The following PSG1 variants were observed in gnomAD, a reference collection of about 807,000 sequenced individuals.
PSG1 encodes the protein pregnancy-specific beta-1-glycoprotein 1.
Under a neutral mutation model 41.4 loss-of-function variants are expected in PSG1, and 60 were observed. The ratio of observed to expected loss-of-function variants is 1.45; its 90% CI spans 1.18 to 1.80. The LOEUF (loss-of-function observed/expected upper bound fraction) is 1.80. PSG1 is among the 40% of genes most tolerant of loss of function. PSG1 has a pLI of 0.00. For synonymous variants in PSG1, 256 were observed against 192.9 expected (o/e 1.33, Z -2.71); for missense variants, 806 against 516.9 (o/e 1.56, Z -5.42).
rs772787412 is a variant in PSG1 at position 42,867,883 on chromosome 19, C to G, written c.1243+218G>C. 6.7e-5 allele frequency: 94 copies of G among 1,400,596 alleles called. 1 individual carries two copies. The highest frequency in any genetic ancestry group is 8.3e-5 in the Non-Finnish European group (86 of 1,035,534). 86.8% of individuals were successfully genotyped at this position (1,400,596 alleles called of 1,614,324 possible). A position where few individuals can be genotyped will look rare whatever the true frequency, so the allele number is the denominator to read the frequency against. ...TATTTCAATGAAATCAATGTTCTTC[C>G]TGCTTGGTCTAGGCTGGGAATATTA... On this transcript the variant is annotated intron_variant, in intron 5 of 5. Transcript: ENST00000436291.
At chr19:42,873,917 A>G (rs777944108) in intron 2 of PSG1, among the ~76,000 whole-genome samples, 7 of 151,662 alleles carry the variant, frequency 4.6e-5, no homozygotes, top group Non-Finnish European at 8.8e-5. Flanking sequence ...ACTAGAGTTT[A>G]AGTTTGTGTG....
rs1295615921 is a variant in PSG1 at position 42,871,748 on chromosome 19, A to G, written c.709+19T>C. The G allele has an allele frequency of 6.2e-7, 1 of 1,612,694 alleles. No individual in the cohort carries two copies. On this transcript the variant is annotated intron_variant, in intron 3 of 5. Transcript: ENST00000436291. ...TTTGGGATGGCAGCCTGGCTCACAG[A>G]GGAACAGAAGATACTCACGGAGGAG...
intron 2 of PSG1, among the ~76,000 whole-genome samples, chr19:42,872,918 A>C (rs538612944): frequency 6.6e-6 from 1 of 151,766 alleles, no homozygotes. Context: ...CTCATGGACC[A>C]TATGTGTTTG....
In PSG1 at chr19:42,868,361, G is replaced by A. The variant is rs774900202; in HGVS notation, c.989-6C>T. 35 of 1,604,072 alleles carry A rather than the reference G, an allele frequency of 2.2e-5. 2 individuals are homozygous for A. The East Asian group carries it at 7.4e-4, about 34-fold the overall frequency. ...TCTGGGGAGGTCTGGACCATCTGGAGCAAAGAGAATAAAGCCACAGGTGAT... is the reference window on the plus strand; with the variant it reads ...TCTGGGGAGGTCTGGACCATCTGGAACAAAGAGAATAAAGCCACAGGTGAT... On this transcript the variant is annotated splice_region_variant and splice_polypyrimidine_tract_variant and intron_variant, in intron 4 of 5. Coordinates refer to ENST00000436291, the MANE Select transcript of PSG1 (RefSeq NM_001184825.2).
Position 42,879,669 on chromosome 19 carries a change from T to G in PSG1, c.-88A>C, listed in dbSNP as rs1453317810. 7 of 1,558,080 alleles carry G rather than the reference T, an allele frequency of 4.5e-6. No individual in the cohort carries two copies. In the African/African-American group the frequency reaches 6.8e-5, roughly 15 times the overall value. ...GCACGGCTGTCAGCTGTGCTGTCCT[T>G]CCTCTTTCTGTGCTGAGCCTCTTCC... On this transcript the variant is annotated 5_prime_UTR_variant, in exon 1 of 6. Transcript: ENST00000436291.
rs565095382 is a variant in PSG1, at chr19:42,866,922, C to A, written c.*212G>T. 9.5e-5 allele frequency: 67 copies of A among 705,036 alleles called. 2 individuals carry two copies. The East Asian group carries it at 1.2e-3, about 12-fold the overall frequency. 43.7% of individuals were successfully genotyped at this position (705,036 alleles called of 1,614,324 possible). On this transcript the variant is annotated 3_prime_UTR_variant, in exon 6 of 6. Transcript: ENST00000436291. The stretch of plus-strand genomic sequence containing the variant: ...AAACTGTCCACAGTGTGAAGTCATC[C>A]ACTTGTTGTCCTGGTTTACAGTTTG...
chr19:42,873,137 A>T (rs368791552), intron 2 of PSG1, among the ~76,000 whole-genome samples: 10 of 151,656 alleles, frequency 6.6e-5, no homozygotes, highest in South Asian at 2.1e-4. Flanking sequence ...TTATGCAGGA[A>T]GAGGAGGTTC....
In PSG1 at chr19:42,868,010, C is replaced by T. The variant is rs1971204643; in HGVS notation, c.1243+91G>A. On this transcript the variant is annotated intron_variant, in intron 5 of 5. Coordinates refer to ENST00000436291, the MANE Select transcript of PSG1 (RefSeq NM_001184825.2). The stretch of plus-strand genomic sequence containing the variant: ...TTTGCTTGTGCCCATGGGACACAGG[C>T]TGGGAATACAATTGTTTTCCTGACT... 5.6e-6 allele frequency: 9 copies of T among 1,609,356 alleles called. 1 individual carries two copies. The highest frequency in any genetic ancestry group is 7.6e-6 in the Non-Finnish European group (9 of 1,178,334).
rs878952037 is a variant in PSG1 at position 42,871,276 on chromosome 19, G to GA, written c.709+490_709+491insT. On this transcript the variant is annotated intron_variant, in intron 3 of 5. Coordinates refer to ENST00000436291, the MANE Select transcript of PSG1 (RefSeq NM_001184825.2). Reference sequence around the variant, plus strand: ...AGCCAAGAATGCTCTGCCAGTGGATGGAGTCTGTGAGGCAGGAGAGCTTGG... The same window carrying GA: ...AGCCAAGAATGCTCTGCCAGTGGATGAGAGTCTGTGAGGCAGGAGAGCTTGG... Among the ~76,000 whole-genome samples the GA allele has an allele frequency of 1.2e-4, 18 of 151,814 alleles. No individual in the cohort carries two copies. The South Asian group carries it at 2.9e-3, about 25-fold the overall frequency.
chr19:42,871,820 A>G lies in PSG1; in HGVS notation c.656T>C (p.Ile219Thr), dbSNP rs1400470440. Residue 219 changes from isoleucine to threonine, a missense_variant, in exon 3 of 6, where the codon ATA (isoleucine) becomes ACA (threonine). Coordinates refer to ENST00000436291, the MANE Select transcript of PSG1 (RefSeq NM_001184825.2). ...KYTAGPYECEIRNPVSASRSD... is the reference protein window; with the variant it reads ...KYTAGPYECETRNPVSASRSD... ...GCGGCTGGCACTCACTGGGTTCCGT[A>G]TTTCACATTCATAGGGTCCTGCAGT... 3 of 1,612,450 alleles carry G rather than the reference A, an allele frequency of 1.9e-6. No homozygotes were observed. Among genetic ancestry groups the G allele is most frequent in the South Asian group, 1.1e-5 (1 of 90,848 alleles).
chr19:42,867,798 T>A, intron 5 of PSG1: 1 of 1,181,236 alleles, frequency 8.5e-7, no homozygotes, highest in Non-Finnish European at 1.2e-6. Flanking sequence ...ACAAACCATT[T>A]AAAGAATCAG....
rs1310361690 is a variant in PSG1, at chr19:42,871,706, G to C, written c.709+61C>G. ...GACCTGAGAGGGACAGAGAGGCCTGGCCTCTGGCCACGTGTATTTGGGATG... is the reference window on the plus strand; with the variant it reads ...GACCTGAGAGGGACAGAGAGGCCTGCCCTCTGGCCACGTGTATTTGGGATG... On this transcript the variant is annotated intron_variant, in intron 3 of 5. Coordinates refer to ENST00000436291, the MANE Select transcript of PSG1 (RefSeq NM_001184825.2). The C allele has an allele frequency of 1.2e-5, 20 of 1,612,372 alleles. 1 individual carries two copies. The highest frequency in any genetic ancestry group is 1.6e-5 in the Non-Finnish European group (19 of 1,179,222).
At chr19:42,871,385 C>T (rs1283028134) in intron 3 of PSG1, among the ~76,000 whole-genome samples, 1 of 151,532 alleles carries the variant, frequency 6.6e-6, no homozygotes, top group African/African-American at 2.4e-5. Flanking sequence ...AATAATGTCA[C>T]AGGCACTATT....
intron 4 of PSG1, 62 bp from the exon 5 acceptor site, chr19:42,868,417 T>C (rs1306068255): frequency 2.6e-6 from 4 of 1,518,346 alleles, no homozygotes; most frequent in African/African-American, 1.4e-5. Context: ...GTTCCTGGTC[T>C]CTTAAAGGGA....
At chr19:42,873,817 A>G (rs1192915116) in intron 2 of PSG1, among the ~76,000 whole-genome samples, 1 of 151,610 alleles carries the variant, frequency 6.6e-6, no homozygotes, top group South Asian at 2.1e-4. Context: ...CCTGCTTCTA[A>G]ATTCTGTGCA....
At chr19:42,868,573 C>T (rs1228895089) in intron 4 of PSG1, among the ~76,000 whole-genome samples, 183 bp downstream of exon 4, 2 of 151,230 alleles carry the variant, frequency 1.3e-5, no homozygotes, top group Admixed American at 6.6e-5. Flanking sequence ...CATCCCCTCC[C>T]CTTATATTCT....
intron 1 of PSG1, 120 bp downstream of exon 1, chr19:42,879,398 C>T: frequency 6.2e-6 from 9 of 1,448,342 alleles, no homozygotes; most frequent in South Asian, 1.2e-5. Context: ...ATGATCCACC[C>T]ACCTCAGACT....
chr19:42,870,729 A>T (rs1018851714), intron 3 of PSG1: 1 of 151,716 alleles, frequency 6.6e-6, no homozygotes. Context: ...CTTCCAATCC[A>T]TGAAAATGAA....
rs543195732 is a variant in PSG1 at position 42,870,240 on chromosome 19, C to T, written c.710-1206G>A. The T allele has an allele frequency of 5.3e-5, 8 of 151,930 alleles. No individual in the cohort carries two copies. The East Asian group carries it at 1.2e-3, about 22-fold the overall frequency. 9.4% of individuals were successfully genotyped at this position (151,930 alleles called of 1,614,324 possible). On this transcript the variant is annotated intron_variant, in intron 3 of 5. Coordinates refer to ENST00000436291, the MANE Select transcript of PSG1 (RefSeq NM_001184825.2). ...GACAAAAAGTGTTTTGGATTTCTGA[C>T]ATTTTTTGATTCTGAAATATTTGTC...
Sources: gnomAD v4.1 joint callset for allele counts (sites outside exome capture counted in the v4.1 genomes callset) on GRCh38, gnomAD v4.1.1 for gene constraint, MANE v1.5 for transcripts, NCBI Gene and HGNC (gene_info 2026-07-23, HGNC 2026-07-21) for gene names.